BPNT1: variants seen among roughly 807,000 people sequenced by gnomAD.
The protein encoded by BPNT1 is 3'(2'), 5'-bisphosphate nucleotidase 1.
Under a neutral mutation model 36.9 loss-of-function variants are expected in BPNT1, and 28 were observed. The observed-to-expected ratio is 0.76, with a 90% CI of 0.56 to 1.04. BPNT1 has a LOEUF of 1.04. Among genes scored for constraint, BPNT1 ranks in the 50% least tolerant of loss-of-function variants. The probability of loss-of-function intolerance (pLI) is 0.00; values close to 1 mark genes in which losing one functional copy is unlikely to be tolerated. For missense variants in BPNT1, 313 were observed against 372.9 expected (o/e 0.84, Z 1.32); for synonymous variants, 119 against 130.9 (o/e 0.91, Z 0.62).
At chr1:220,066,629 C>T (rs1663555860) in intron 6 of BPNT1, among the ~76,000 whole-genome samples, 1 of 152,122 alleles carries the variant, frequency 6.6e-6, no homozygotes, top group Admixed American at 6.6e-5. Flanking sequence ...CAATTTAATG[C>T]AATTTAATGG....
intron 1 of BPNT1, among the ~76,000 whole-genome samples, chr1:220,088,061 G>A (rs960645929): frequency 1.3e-5 from 2 of 151,936 alleles, no homozygotes; most frequent in African/African-American, 4.8e-5. Context: ...ATTTTTAGTA[G>A]AGACAGGGTT....
At chr1:220,089,121 A>G in intron 1 of BPNT1, among the ~76,000 whole-genome samples, 1 of 148,040 alleles carries the variant, frequency 6.8e-6, no homozygotes, top group Non-Finnish European at 1.5e-5. Context: ...AAAAAAAAAA[A>G]AAAAGAAGGA....
chr1:220,072,749 T>G, intron 4 of BPNT1, 101 bp downstream of exon 4: 1 of 961,182 alleles, frequency 1.0e-6, no homozygotes, highest in Non-Finnish European at 1.6e-6. Flanking sequence ...TTGCCCCTAT[T>G]TTATAACTAC....
At chr1:220,063,741 T>A (rs1663272636) in intron 6 of BPNT1, among the ~76,000 whole-genome samples, 1 of 152,166 alleles carries the variant, frequency 6.6e-6, no homozygotes, top group African/African-American at 2.4e-5. Flanking sequence ...AATAGGCCAA[T>A]ACAATATTGA....
chr1:220,064,433 G>A (rs1448899847), intron 6 of BPNT1, among the ~76,000 whole-genome samples: 1 of 152,204 alleles, frequency 6.6e-6, no homozygotes, highest in South Asian at 2.1e-4. Context: ...AGGAGGAGGA[G>A]GGTGTGGGCA....
In BPNT1 at chr1:220,062,887, T is replaced by A; in HGVS notation, c.542A>T (p.Gln181Leu). 6.2e-7 allele frequency: 1 copy of A among 1,614,130 alleles called. No individual in the cohort carries two copies. The highest frequency in any genetic ancestry group is 8.5e-7 in the Non-Finnish European group (1 of 1,180,024). ...GVLGLGAFGFQLKEVPAGKHI... is the reference protein window; with the variant it reads ...GVLGLGAFGFLLKEVPAGKHI... The stretch of plus-strand genomic sequence containing the variant: ...TTTCCCAGCAGGGACTTCTTTCAGC[T>A]GAAACCCAAAGGCGCCTAAACCTAA... Residue 181 changes from glutamine to leucine, a missense_variant, in exon 7 of 9, where the codon CAG becomes CTG. Gln to Leu is a moderately radical substitution (Grantham distance 113). Transcript: ENST00000322067.
At chr1:220,079,911 T>C in intron 1 of BPNT1, 57 bp from the exon 2 acceptor site, 1 of 1,543,476 alleles carries the variant, frequency 6.5e-7, no homozygotes, top group Non-Finnish European at 8.8e-7. Flanking sequence ...ACTGGTTTTA[T>C]TTATTTAAAT....
chr1:220,064,566 C>T (rs1663358131), intron 6 of BPNT1, among the ~76,000 whole-genome samples: 1 of 152,102 alleles, frequency 6.6e-6, no homozygotes, highest in South Asian at 2.1e-4. Flanking sequence ...GATGAGATGT[C>T]AGGTCTTTAA....
chr1:220,076,320 G>A (rs1664540539), intron 2 of BPNT1, among the ~76,000 whole-genome samples: 1 of 151,856 alleles, frequency 6.6e-6, no homozygotes, highest in Non-Finnish European at 1.5e-5. Context: ...CTAACATGGT[G>A]GAACCCTATC....
At chr1:220,080,897 T>C (rs1665042597) in intron 1 of BPNT1, among the ~76,000 whole-genome samples, 1 of 152,228 alleles carries the variant, frequency 6.6e-6, no homozygotes, top group African/African-American at 2.4e-5. Flanking sequence ...CTTGGAAAAG[T>C]AAGGAGTGTC....
intron 8 of BPNT1, 91 bp downstream of exon 8, chr1:220,059,595 G>T: frequency 2.0e-6 from 2 of 995,736 alleles, no homozygotes; most frequent in Non-Finnish European, 3.0e-6. Flanking sequence ...TATCGTAACA[G>T]TCTAAGTAAA....
chr1:220,070,438 C>T (rs912313650), intron 4 of BPNT1, among the ~76,000 whole-genome samples: 7 of 152,108 alleles, frequency 4.6e-5, no homozygotes, highest in Admixed American at 6.5e-5. Context: ...CTCTGCCTCC[C>T]GGGTTCATGC....
chr1:220,073,301 T>A (rs552493406), intron 3 of BPNT1, among the ~76,000 whole-genome samples: 33 of 152,262 alleles, frequency 2.2e-4, no homozygotes, highest in East Asian at 3.9e-4. Context: ...TTTATTTTTT[T>A]TTTTTGAGAC....
intron 1 of BPNT1, among the ~76,000 whole-genome samples, chr1:220,085,525 G>A (rs1034231064): frequency 2.6e-5 from 4 of 152,144 alleles, no homozygotes; most frequent in African/African-American, 7.2e-5. Context: ...TGAGTAACAC[G>A]TGTAAAGAAA....
chr1:220,074,984 C>T (rs1664410352), intron 2 of BPNT1, among the ~76,000 whole-genome samples: 1 of 152,096 alleles, frequency 6.6e-6, no homozygotes, highest in Admixed American at 6.6e-5. Context: ...TGATATGTTG[C>T]AATTTATATA....
intron 2 of BPNT1, among the ~76,000 whole-genome samples, chr1:220,078,043 C>T (rs889523601): frequency 3.3e-5 from 5 of 151,760 alleles, no homozygotes; most frequent in South Asian, 4.2e-4. Context: ...GGTGTCGTGG[C>T]GCTTGCCTGT....
intron 1 of BPNT1, among the ~76,000 whole-genome samples, chr1:220,085,042 T>C (rs1053668072): frequency 6.6e-6 from 1 of 151,904 alleles, no homozygotes; most frequent in Non-Finnish European, 1.5e-5. Context: ...AACTATTTTT[T>C]AAACAGATGA....
chr1:220,057,808 T>C lies in BPNT1; in HGVS notation c.*1036A>G, dbSNP rs1282749964. Reference sequence around the variant, plus strand: ...ATATATAATAACATCATATATATTCTTAATTGGAGTAGAAACGTTTTTAAA... The same window carrying C: ...ATATATAATAACATCATATATATTCCTAATTGGAGTAGAAACGTTTTTAAA... On this transcript the variant is annotated 3_prime_UTR_variant, in exon 9 of 9. Coordinates refer to ENST00000322067, the MANE Select transcript of BPNT1 (RefSeq NM_006085.6). The C allele has an allele frequency of 8.1e-7, 1 of 1,241,510 alleles. No individual in the cohort carries two copies. The highest frequency in any genetic ancestry group is 2.3e-5 in the Admixed American group (1 of 42,856). The allele number at this position is 1,241,510 out of a possible 1,614,324, so 76.9% of individuals were successfully genotyped here. A position where few individuals can be genotyped will look rare whatever the true frequency, so the allele number is the denominator to read the frequency against.
intron 1 of BPNT1, among the ~76,000 whole-genome samples, chr1:220,080,379 T>C (rs561612709): frequency 6.6e-6 from 1 of 152,254 alleles, no homozygotes; most frequent in Admixed American, 6.5e-5. Flanking sequence ...CATACAGCTA[T>C]AAAGAATGAC....
Sources: allele counts gnomAD v4.1 joint callset (sites outside exome capture counted in the v4.1 genomes callset), GRCh38; gene constraint gnomAD v4.1.1; transcripts MANE v1.5; gene names NCBI Gene and HGNC (gene_info 2026-07-23, HGNC 2026-07-21).